The following CLASP1 variants were observed in gnomAD, a reference collection of about 807,000 sequenced individuals.
CLASP1 encodes cytoplasmic linker associated protein 1, also known as CLIP-associating protein 1.
CLASP1 carries 38 observed loss-of-function variants against 192.3 expected under a neutral mutation model. The ratio of observed to expected loss-of-function variants is 0.20; its 90% CI spans 0.15 to 0.26. The LOEUF (loss-of-function observed/expected upper bound fraction) is 0.26, where lower values mean the gene tolerates loss of function less well. CLASP1 is among the 10% of genes least tolerant of loss of function. The pLI is 1.00. For synonymous variants in CLASP1, 691 were observed against 712.8 expected (o/e 0.97, Z 0.49); for missense variants, 1,433 against 1,932.5 (o/e 0.74, Z 4.85).
chr2:121,588,786 T>C (rs571943950), intron 2 of CLASP1, among the ~76,000 whole-genome samples: 167 of 152,242 alleles, frequency 1.1e-3, no homozygotes, highest in African/African-American at 3.9e-3. Context: ...AAGTTCATGA[T>C]TCCCCCAGTG....
intron 2 of CLASP1, among the ~76,000 whole-genome samples, chr2:121,585,805 G>A (rs2061657145): frequency 1.3e-5 from 2 of 151,808 alleles, no homozygotes; most frequent in South Asian, 2.1e-4. Context: ...ACTGAGCCAG[G>A]AGAATCGCTT....
intron 37 of CLASP1, among the ~76,000 whole-genome samples, chr2:121,356,957 G>A (rs778990260): frequency 6.8e-5 from 7 of 102,348 alleles, no homozygotes; most frequent in Non-Finnish European, 1.0e-4. Flanking sequence ...TGGAGATGCT[G>A]CAGAGGCTGG....
intron 27 of CLASP1, 30 bp from the exon 29 acceptor site, chr2:121,401,702 C>T: frequency 6.3e-7 from 1 of 1,581,772 alleles, no homozygotes; most frequent in South Asian, 1.1e-5. Context: ...AAGTAGTTCA[C>T]ATATTGAATT....
chr2:121,563,879 T>C (rs2059297560), intron 2 of CLASP1, among the ~76,000 whole-genome samples: 2 of 152,228 alleles, frequency 1.3e-5, no homozygotes, highest in African/African-American at 2.4e-5. Context: ...AAGAGGTTTA[T>C]TGGACTTACA....
intron 6 of CLASP1, among the ~76,000 whole-genome samples, chr2:121,522,634 T>G (rs2094483963): frequency 6.6e-6 from 1 of 152,230 alleles, no homozygotes; most frequent in African/African-American, 2.4e-5. Flanking sequence ...AATGTACTAC[T>G]TTTGTTTTTC....
chr2:121,627,177 G>A (rs2068539221), intron 1 of CLASP1, among the ~76,000 whole-genome samples: 1 of 152,140 alleles, frequency 6.6e-6, no homozygotes, highest in Admixed American at 6.5e-5. Flanking sequence ...GAAAAGAGGA[G>A]AAACAACAAA....
intron 25 of CLASP1, among the ~76,000 whole-genome samples, chr2:121,405,771 T>A (rs746991392): frequency 3.3e-5 from 5 of 152,228 alleles, no homozygotes; most frequent in Non-Finnish European, 7.3e-5. Context: ...TCATCTTCTA[T>A]TTTTGACAGG....
intron 2 of CLASP1, among the ~76,000 whole-genome samples, chr2:121,531,651 G>C (rs1372516046): frequency 1.3e-5 from 2 of 148,974 alleles, no homozygotes; most frequent in African/African-American, 2.5e-5. Context: ...GGGCGGATCA[G>C]GAGCTCAGGA....
chr2:121,375,432 C>T (rs112288273), intron 34 of CLASP1, among the ~76,000 whole-genome samples: 5,729 of 146,798 alleles, frequency 0.039, 153 homozygotes, highest in East Asian at 0.14. Context: ...GGCACGATCT[C>T]GGCTCACTGC....
rs538848317 is a variant in CLASP1 at position 121,514,664 on chromosome 2, T to C, written c.644+1001A>G. On this transcript the variant is annotated intron_variant, in intron 7 of 39. Transcript: ENST00000263710. Reference sequence around the variant, plus strand: ...CAACCACAAGGAAGCACAGTCCACTTGTCTGCCCGTGGAGCCACCACTTGA... The same window carrying C: ...CAACCACAAGGAAGCACAGTCCACTCGTCTGCCCGTGGAGCCACCACTTGA... Among the ~76,000 whole-genome samples the C allele has an allele frequency of 3.3e-5, 5 of 152,330 alleles. 1 individual carries two copies. The highest frequency in any genetic ancestry group is 1.2e-4 in the African/African-American group (5 of 41,578).
chr2:121,524,908 T>G (rs2094539374), intron 6 of CLASP1, among the ~76,000 whole-genome samples: 1 of 151,940 alleles, frequency 6.6e-6, no homozygotes, highest in African/African-American at 2.4e-5. Flanking sequence ...CGCCTGCTGC[T>G]GGAACTAAGA....
At chr2:121,353,913 C>T (rs2064952567) in intron 37 of CLASP1, among the ~76,000 whole-genome samples, 1 of 152,142 alleles carries the variant, frequency 6.6e-6, no homozygotes, top group Admixed American at 6.5e-5. Flanking sequence ...ACCTTAGCCT[C>T]CCAAGTAGGT....
chr2:121,358,642 A>G (rs1421488012), intron 37 of CLASP1, among the ~76,000 whole-genome samples: 1 of 152,262 alleles, frequency 6.6e-6, no homozygotes, highest in Non-Finnish European at 1.5e-5. Context: ...AGTTCCCAGG[A>G]AGTTCTCTTT....
intron 14 of CLASP1, among the ~76,000 whole-genome samples, chr2:121,456,131 CCATTACAAAATGTATA>C (rs2086609334): frequency 6.6e-6 from 1 of 151,988 alleles, no homozygotes; most frequent in Non-Finnish European, 1.5e-5. Flanking sequence ...CTTGATTTAA[CCATTACAAAATGTATA>C]CACATTATCA....
intron 2 of CLASP1, among the ~76,000 whole-genome samples, chr2:121,565,832 C>T (rs896192204): frequency 6.6e-6 from 1 of 152,228 alleles, no homozygotes; most frequent in African/African-American, 2.4e-5. Context: ...CAGAACGGCC[C>T]TAAAACTTGT....
At chr2:121,498,226 C>T (rs1469641820) in intron 8 of CLASP1, among the ~76,000 whole-genome samples, 1 of 97,136 alleles carries the variant, frequency 1.0e-5, no homozygotes, top group Admixed American at 9.8e-5. Context: ...TTTTCTGAGA[C>T]GGAGTCTCAC....
chr2:121,645,608 G>A (rs556055098), intron 1 of CLASP1, among the ~76,000 whole-genome samples: 1 of 152,344 alleles, frequency 6.6e-6, no homozygotes, highest in Non-Finnish European at 1.5e-5. Context: ...CAAACTCCCT[G>A]TGCCATCAAG....
At chr2:121,554,286 G>A (rs1025905320) in intron 2 of CLASP1, among the ~76,000 whole-genome samples, 33 of 152,088 alleles carry the variant, frequency 2.2e-4, no homozygotes, top group East Asian at 1.7e-3. Flanking sequence ...CTATGACATA[G>A]ATGAAGCATG....
chr2:121,385,048 A>G (rs1455559282), intron 32 of CLASP1, among the ~76,000 whole-genome samples: 1 of 152,236 alleles, frequency 6.6e-6, no homozygotes, highest in East Asian at 1.9e-4. Flanking sequence ...CTGAGATTAT[A>G]TACAACAGAT....
Sources: gnomAD v4.1 joint callset for allele counts (sites outside exome capture counted in the v4.1 genomes callset) on GRCh38, gnomAD v4.1.1 for gene constraint, MANE v1.5 for transcripts, NCBI Gene and HGNC (gene_info 2026-07-23, HGNC 2026-07-21) for gene names.